RPS27A: variants seen among roughly 807,000 people sequenced by gnomAD.
RPS27A encodes the protein ribosomal protein S27a.
A neutral mutation model predicts 18.9 loss-of-function variants in RPS27A; 1 was observed. That is an observed-to-expected ratio of 0.05 (90% CI 0.02 to 0.25). RPS27A has a LOEUF of 0.25. Among genes scored for constraint, RPS27A ranks in the 10% least tolerant of loss-of-function variants. The pLI is 1.00. For missense variants in RPS27A, 123 were observed against 187.4 expected, an observed-to-expected ratio of 0.66 and a Z score of 2.01; for synonymous variants, 77 against 63.7, an observed-to-expected ratio of 1.21 and a Z score of -0.99.
chr2:55,235,142 T>C, intron 5 of RPS27A, 180 bp downstream of exon 5: 1 of 779,670 alleles, frequency 1.3e-6, no homozygotes, highest in Non-Finnish European at 2.1e-6. Flanking sequence ...TGTTTGGTAT[T>C]TGAAATCAGT....
At chr2:55,233,815 A>C in intron 3 of RPS27A, 1 of 496,198 alleles carries the variant, frequency 2.0e-6, no homozygotes, top group South Asian at 2.1e-5. Context: ...TTTTTAGTAG[A>C]GACTGGGTTT....
intron 5 of RPS27A, 33 bp downstream of exon 5, chr2:55,234,995 G>A (rs969453013): frequency 1.1e-5 from 18 of 1,610,190 alleles, no homozygotes; most frequent in Non-Finnish European, 1.4e-5. Flanking sequence ...TGTCAGCAAA[G>A]TCTTGGCTTA....
intron 2 of RPS27A, 81 bp from the exon 3 acceptor site, chr2:55,233,282 C>G (rs1675588011): frequency 1.7e-6 from 2 of 1,188,996 alleles, no homozygotes; most frequent in Non-Finnish European, 2.5e-6. Context: ...TGGTTCGGTT[C>G]AGTGGTAATT....
chr2:55,233,331 T>C (rs887444158), intron 2 of RPS27A, 32 bp from the exon 3 acceptor site: 1 of 1,570,268 alleles, frequency 6.4e-7, no homozygotes, highest in Non-Finnish European at 8.8e-7. Context: ...CCTTAATGTG[T>C]AACCAACATG....
chr2:55,235,785 A>G lies in RPS27A; in HGVS notation c.*208A>G, dbSNP rs1323507340. The G allele has an allele frequency of 4.9e-6, 3 of 606,440 alleles. No individual in the cohort carries two copies. Among genetic ancestry groups the G allele is most frequent in the Non-Finnish European group, 8.8e-6 (3 of 342,248 alleles). The allele number at this position is 606,440 out of a possible 1,614,324, so 37.6% of individuals were successfully genotyped here. On this transcript the variant is annotated 3_prime_UTR_variant, in exon 6 of 6. Transcript: ENST00000272317. The stretch of plus-strand genomic sequence containing the variant: ...GTGCCAACCACTTGTAAAGGTCTTG[A>G]TATTTTCAATTCTTAGACTACCTAT...
chr2:55,234,393 G>T, intron 4 of RPS27A, 189 bp downstream of exon 4: 1 of 613,262 alleles, frequency 1.6e-6, no homozygotes, highest in South Asian at 2.0e-5. Context: ...GGAACTATAG[G>T]CACCCGCCAC....
intron 4 of RPS27A, 134 bp from the exon 5 acceptor site, chr2:55,234,697 T>C: frequency 3.1e-6 from 3 of 957,302 alleles, no homozygotes; most frequent in Non-Finnish European, 4.9e-6. Flanking sequence ...TGATACTTTA[T>C]TGGGTTTGGG....
rs1053523190 is a variant in RPS27A, at chr2:55,234,162, G to A, written c.147G>A (p.Gln49=). 1.2e-6 allele frequency: 2 copies of A among 1,613,600 alleles called. No individual in the cohort carries two copies. The highest frequency in any genetic ancestry group is 1.3e-5 in the African/African-American group (1 of 74,914). The part of the protein sequence containing the change: ...DQQRLIFAGK[Q]LEDGRTLSDY... ...AGAGACTGATCTTTGCTGGCAAGCA[G>A]CTGGAAGATGGACGTACTTTGTCTG... Residue 49 remains glutamine, a synonymous_variant, in exon 4 of 6, where the codon CAG becomes CAA. Coordinates refer to ENST00000272317, the MANE Select transcript of RPS27A (RefSeq NM_002954.6).
intron 2 of RPS27A, 178 bp downstream of exon 2, chr2:55,233,050 A>G: frequency 1.4e-6 from 1 of 695,704 alleles, no homozygotes; most frequent in Non-Finnish European, 2.6e-6. Context: ...TCGGTGGCCA[A>G]AGGCTGGACC....
chr2:55,232,957 T>C, intron 2 of RPS27A, 85 bp downstream of exon 2: 1 of 1,104,672 alleles, frequency 9.1e-7, no homozygotes, highest in Non-Finnish European at 1.4e-6. Flanking sequence ...TTCCATGTCT[T>C]AGACCATGAT....
upstream of RPS27A, chr2:55,232,285 A>G (rs953493437): frequency 2.0e-5 from 4 of 201,742 alleles, no homozygotes; most frequent in African/African-American, 9.3e-5. Context: ...GATAGTAACT[A>G]GGGAATCTGG....
rs751991445 is a variant in RPS27A at position 55,234,815 on chromosome 2, A to G, written c.190-16A>G. 2.5e-6 allele frequency: 4 copies of G among 1,611,886 alleles called. No homozygotes were observed. The highest frequency in any genetic ancestry group is 1.3e-5 in the African/African-American group (1 of 74,980). On this transcript the variant is annotated splice_polypyrimidine_tract_variant and intron_variant, in intron 4 of 5. Coordinates refer to ENST00000272317, the MANE Select transcript of RPS27A (RefSeq NM_002954.6). ...TAGTGGAATCATGAAAGCTTGCTTC[A>G]TTCTTCCATTAACAGGAGTCTACTC...
chr2:55,234,358 C>T, intron 4 of RPS27A, 154 bp downstream of exon 4: 4 of 663,738 alleles, frequency 6.0e-6, no homozygotes, highest in South Asian at 3.5e-5. Context: ...CTCAGGTGGT[C>T]CTCCCACCTC....
Position 55,233,380 on chromosome 2 carries a change from G to T in RPS27A, c.66G>T (p.Thr22=), listed in dbSNP as rs1323237732. Residue 22 remains threonine (T), a synonymous_variant, in exon 3 of 6, where the codon ACG becomes ACT. Coordinates refer to ENST00000272317, the MANE Select transcript of RPS27A (RefSeq NM_002954.6). ...TITLEVEPSD[T]IENVKAKIQD... ...ACTCATAGGTTGAACCCTCGGATAC[G>T]ATAGAAAATGTAAAGGCCAAGATCC... 6.2e-6 allele frequency: 10 copies of T among 1,613,464 alleles called. No individual in the cohort carries two copies. Among genetic ancestry groups the T allele is most frequent in the Admixed American group, 1.7e-5 (1 of 60,026 alleles).
intron 2 of RPS27A, 192 bp from the exon 3 acceptor site, chr2:55,233,171 C>A (rs539471097): frequency 3.0e-6 from 2 of 663,592 alleles, no homozygotes; most frequent in South Asian, 3.5e-5. Flanking sequence ...GGCCGCCGCC[C>A]GCTCTGGGCT....
At chr2:55,232,591 C>G (rs908211431), upstream of RPS27A, 2 of 594,408 alleles carry the variant, frequency 3.4e-6, no homozygotes, top group African/African-American at 1.9e-5. Flanking sequence ...GTTGGATTGT[C>G]GCTGGGACGG....
intron 2 of RPS27A, 100 bp from the exon 3 acceptor site, chr2:55,233,263 C>T: frequency 4.9e-6 from 5 of 1,013,786 alleles, no homozygotes; most frequent in Non-Finnish European, 7.7e-6. Context: ...TAGGTCTCAG[C>T]CCTGTCGCTG....
chr2:55,234,784 C>T (rs1051621766), intron 4 of RPS27A, 47 bp from the exon 5 acceptor site: 2 of 1,609,148 alleles, frequency 1.2e-6, no homozygotes, highest in South Asian at 1.1e-5. Flanking sequence ...TGGGTGTGCC[C>T]ATTCTTAGTG....
intron 3 of RPS27A, 121 bp from the exon 4 acceptor site, chr2:55,233,997 CT>C: frequency 1.3e-6 from 1 of 760,114 alleles, no homozygotes; most frequent in East Asian, 2.5e-5. Flanking sequence ...TGCCTAACCT[CT>C]AGTAAGGGCT....
Sources: allele counts gnomAD v4.1 joint callset, GRCh38; gene constraint gnomAD v4.1.1; transcripts MANE v1.5; gene names NCBI Gene and HGNC (gene_info 2026-07-23, HGNC 2026-07-21).